The following FRMD5 variants were observed in gnomAD, a reference collection of about 807,000 sequenced individuals.
FRMD5 encodes the protein FERM domain-containing protein 5.
A neutral mutation model predicts 69.0 loss-of-function variants in FRMD5; 20 were observed. The observed-to-expected ratio is 0.29, with a 90% confidence interval of 0.20 to 0.42. The LOEUF (loss-of-function observed/expected upper bound fraction) is 0.42. FRMD5 is among the 10% of genes least tolerant of loss of function. The probability of loss-of-function intolerance (pLI) is 1.00; values close to 1 mark genes in which losing one functional copy is unlikely to be tolerated. For synonymous variants in FRMD5, 271 were observed against 260.1 expected, an observed-to-expected ratio of 1.04 and a Z score of -0.40; for missense variants, 595 against 708.6, an observed-to-expected ratio of 0.84 and a Z score of 1.82.
At chr15:43,905,380 A>C (rs1595502530) in intron 6 of FRMD5, among the ~76,000 whole-genome samples, 1 of 151,726 alleles carries the variant, frequency 6.6e-6, no homozygotes, top group Non-Finnish European at 1.5e-5. Flanking sequence ...CACGTGATCC[A>C]CCTGCCTCGA....
intron 9 of FRMD5, 29 bp from the exon 10 acceptor site, chr15:43,888,295 G>C: frequency 6.8e-7 from 1 of 1,479,386 alleles, no homozygotes; most frequent in Non-Finnish European, 9.5e-7. Context: ...TGATATGGCT[G>C]AGTGTGGATG....
intron 1 of FRMD5, among the ~76,000 whole-genome samples, chr15:44,047,153 A>G (rs1177904360): frequency 2.0e-5 from 3 of 152,164 alleles, no homozygotes; most frequent in Non-Finnish European, 1.5e-5. Flanking sequence ...CTAAAAATAC[A>G]AAAAAATTAA....
At chr15:43,897,590 T>A (rs2088945409) in intron 7 of FRMD5, among the ~76,000 whole-genome samples, 1 of 151,190 alleles carries the variant, frequency 6.6e-6, no homozygotes, top group Non-Finnish European at 1.5e-5. Flanking sequence ...ATTATGAAAG[T>A]AATGATTCCA....
At chr15:43,973,508 C>T (rs1252762797) in intron 1 of FRMD5, among the ~76,000 whole-genome samples, 1 of 151,632 alleles carries the variant, frequency 6.6e-6, no homozygotes, top group Non-Finnish European at 1.5e-5. Flanking sequence ...GCTGGGATTA[C>T]AGGTGCCCAC....
At chr15:44,017,585 G>A (rs186109746) in intron 1 of FRMD5, among the ~76,000 whole-genome samples, 61 of 151,258 alleles carry the variant, frequency 4.0e-4, no homozygotes, top group Non-Finnish European at 7.5e-4. Flanking sequence ...GCAAGTCATT[G>A]ATCTAATAGC....
chr15:44,195,159 ACCCCGG>A lies in FRMD5; in HGVS notation c.-111_-106del. On this transcript the variant is annotated 5_prime_UTR_variant, in exon 1 of 14. Transcript: ENST00000417257. ...ACCGACCCCAGGCACCTGCACCATC[ACCCCGG>A]CCCCGTCGCTGCCGTTGCCTCCTGC... 1 of 838,154 alleles carries A rather than the reference ACCCCGG, an allele frequency of 1.2e-6. No individual in the cohort carries two copies. The allele number at this position is 838,154 out of a possible 1,614,324, so 51.9% of individuals were successfully genotyped here.
chr15:43,987,406 T>G (rs772239446), intron 1 of FRMD5, among the ~76,000 whole-genome samples: 1 of 152,148 alleles, frequency 6.6e-6, no homozygotes, highest in Non-Finnish European at 1.5e-5. Context: ...ATGGAGAAAG[T>G]TTTAATGGTC....
chr15:43,931,554 A>G (rs1234546283), intron 1 of FRMD5, among the ~76,000 whole-genome samples: 4 of 152,114 alleles, frequency 2.6e-5, no homozygotes, highest in Non-Finnish European at 5.9e-5. Context: ...AACCCTAAGG[A>G]CAGTTTGACA....
intron 1 of FRMD5, among the ~76,000 whole-genome samples, chr15:44,033,032 A>C (rs1427335125): frequency 6.6e-6 from 1 of 152,240 alleles, no homozygotes; most frequent in East Asian, 1.9e-4. Context: ...GCAGCCATAA[A>C]AAAGAACAAG....
Position 44,052,562 on chromosome 15 carries a change from AATCAAAATATTGCTCAGGACACCCTGAG to A in FRMD5, c.103-128281_103-128254del, listed in dbSNP as rs537195778. Among the ~76,000 whole-genome samples the A allele has an allele frequency of 2.9e-3, 446 of 152,260 alleles. 2 individuals carry two copies. The highest frequency in any genetic ancestry group is 0.01 in the African/African-American group (424 of 41,540). ...ACATAACATTTGTTTCCATTTCCAG[AATCAAAATATTGCTCAGGACACCCTGAG>A]ATAGTGCCTAGGAACAATATTAGAG... On this transcript the variant is annotated intron_variant, in intron 1 of 13. Coordinates refer to ENST00000417257, the MANE Select transcript of FRMD5 (RefSeq NM_032892.5).
At chr15:43,911,977 A>G (rs1255249804) in intron 4 of FRMD5, among the ~76,000 whole-genome samples, 1 of 152,154 alleles carries the variant, frequency 6.6e-6, no homozygotes, top group Non-Finnish European at 1.5e-5. Context: ...CAACCAAGCC[A>G]TCTTCTCTCC....
At position 44,062,280 on chromosome 15, in the gene FRMD5, G is replaced by A. The variant is rs559890111; in HGVS notation, c.102+132673C>T. On this transcript the variant is annotated intron_variant, in intron 1 of 13. Coordinates refer to ENST00000417257, the MANE Select transcript of FRMD5 (RefSeq NM_032892.5). ...TTTCCTTCTCAAGTAAGTTGATTAT[G>A]AATATGTATACCACACAAAATACTG... Among the ~76,000 whole-genome samples the A allele has an allele frequency of 4.6e-5, 7 of 152,242 alleles. No homozygotes were observed. The East Asian group carries it at 1.4e-3, about 29-fold the overall frequency.
Position 44,087,962 on chromosome 15 carries a change from TTGTC to T in FRMD5, c.102+106987_102+106990del, listed in dbSNP as rs1324814705. On this transcript the variant is annotated intron_variant, in intron 1 of 13. Transcript: ENST00000417257. ...AGTAATTCCTGTATGGTGAGTCACA[TTGTC>T]TGAGAATTCTGTCCTGGACTTACTC... is the stretch of plus-strand genomic sequence containing the variant. Among the ~76,000 whole-genome samples, 6 of 152,292 alleles carry T rather than the reference TTGTC, an allele frequency of 3.9e-5. No homozygotes were observed. The East Asian group carries it at 5.8e-4, about 15-fold the overall frequency.
chr15:44,044,776 TA>T (rs1350168709), intron 1 of FRMD5, among the ~76,000 whole-genome samples: 5 of 151,034 alleles, frequency 3.3e-5, no homozygotes, highest in Non-Finnish European at 7.4e-5. Flanking sequence ...GGTGGGGGGC[TA>T]GGGGAGAGAT....
Position 43,919,554 on chromosome 15 carries a change from G to A in FRMD5, c.251-17C>T, listed in dbSNP as rs1411248684. ...GAGGCTGGGCTGCAGAGAAAAAGAG[G>A]TGCTCATCAGGGAAGACTCTCACCC... is the stretch of plus-strand genomic sequence containing the variant. On this transcript the variant is annotated splice_polypyrimidine_tract_variant and intron_variant, in intron 3 of 13. Transcript: ENST00000417257. 6.2e-7 allele frequency: 1 copy of A among 1,612,774 alleles called. No homozygotes were observed. The highest frequency in any genetic ancestry group is 8.5e-7 in the Non-Finnish European group (1 of 1,179,258).
chr15:43,976,583 A>T (rs142980109), intron 1 of FRMD5, among the ~76,000 whole-genome samples: 1 of 152,348 alleles, frequency 6.6e-6, no homozygotes, highest in Non-Finnish European at 1.5e-5. Context: ...AGGTTTATTT[A>T]CAAGAATAAG....
In FRMD5 at chr15:43,989,065, A is replaced by C. The variant is rs555474286; in HGVS notation, c.103-64756T>G. Reference sequence around the variant, plus strand: ...CGCAACTAAGTCACAGTCCGCCTAGAAGCATCTGCGGTGGATGATGGAGGT... The same window carrying C: ...CGCAACTAAGTCACAGTCCGCCTAGCAGCATCTGCGGTGGATGATGGAGGT... On this transcript the variant is annotated intron_variant, in intron 1 of 13. Coordinates refer to ENST00000417257, the MANE Select transcript of FRMD5 (RefSeq NM_032892.5). 7 of 891,740 alleles carry C rather than the reference A, an allele frequency of 7.8e-6. No individual in the cohort carries two copies. In the East Asian group the frequency reaches 1.8e-4, roughly 23 times the overall value. The allele number at this position is 891,740 out of a possible 1,614,324, so 55.2% of individuals were successfully genotyped here.
At chr15:44,044,968 C>T (rs1352900565) in intron 1 of FRMD5, among the ~76,000 whole-genome samples, 1 of 152,118 alleles carries the variant, frequency 6.6e-6, no homozygotes, top group East Asian at 1.9e-4. Context: ...TGTTCATTTC[C>T]TTTTTAAGCT....
At chr15:43,914,132 C>T (rs764873598) in intron 4 of FRMD5, among the ~76,000 whole-genome samples, 7 of 152,140 alleles carry the variant, frequency 4.6e-5, no homozygotes, top group South Asian at 2.1e-4. Context: ...TTGTGTAACA[C>T]GAACATCTCT....
Sources: gnomAD v4.1 joint callset for allele counts (sites outside exome capture counted in the v4.1 genomes callset) on GRCh38, gnomAD v4.1.1 for gene constraint, MANE v1.5 for transcripts, NCBI Gene and HGNC (gene_info 2026-07-23, HGNC 2026-07-21) for gene names.